Variants in CNKSR2 observed in about 807,000 individuals in gnomAD.
CNKSR2 encodes connector enhancer of kinase suppressor of Ras 2, also known as CNK homolog protein 2.
In CNKSR2, 14 loss-of-function variants were observed where a neutral mutation model predicts 84.4. That is an observed-to-expected ratio of 0.17 (90% CI 0.11 to 0.26). CNKSR2 has a LOEUF of 0.26. Among genes scored for constraint, CNKSR2 ranks in the 10% least tolerant of loss-of-function variants. The pLI is 1.00. For missense variants in CNKSR2, 485 were observed against 771.2 expected, an observed-to-expected ratio of 0.63 and a Z score of 4.40; for synonymous variants, 275 against 277.9, an observed-to-expected ratio of 0.99 and a Z score of 0.10.
chrX:21,580,248 A>G (rs927198965), intron 13 of CNKSR2, among the ~76,000 whole-genome samples: 4 of 111,876 alleles, frequency 3.6e-5, no homozygotes, highest in Admixed American at 9.5e-5. Context: ...TTAAAATTCT[A>G]TTTTTATACA....
At position 21,619,618 on chromosome X, in the gene CNKSR2, A is replaced by AT. The variant is rs763417824; in HGVS notation, c.2692+10010dup. On this transcript the variant is annotated intron_variant, in intron 20 of 21. Transcript: ENST00000379510. ...GACTTTATTGGCTATTTTCGTTATA[A>AT]TTTTTTTTTAATTTTTGTTGTTGTG... Among the ~76,000 whole-genome samples, 849 of 109,336 alleles carry AT rather than the reference A, an allele frequency of 7.8e-3. 5 individuals are homozygous for AT. The highest frequency in any genetic ancestry group is 0.014 in the South Asian group (36 of 2,553). The allele number at this position is 109,336 out of a possible 115,157, so 94.9% of individuals were successfully genotyped here.
At chrX:21,478,645 T>G (rs2147159387) in intron 5 of CNKSR2, among the ~76,000 whole-genome samples, 1 of 111,636 alleles carries the variant, frequency 9.0e-6, no homozygotes, top group Admixed American at 9.6e-5. Flanking sequence ...TGAGGTAGAA[T>G]AATACAGTAG....
At chrX:21,625,832 A>G (rs1206340642) in intron 20 of CNKSR2, among the ~76,000 whole-genome samples, 2 of 111,903 alleles carry the variant, frequency 1.8e-5, no homozygotes, top group African/African-American at 6.5e-5. Flanking sequence ...GGTATAAAGC[A>G]TTTTACATAG....
chrX:21,486,539 T>C (rs2091386954), intron 5 of CNKSR2, among the ~76,000 whole-genome samples: 1 of 111,838 alleles, frequency 8.9e-6, no homozygotes, highest in African/African-American at 3.2e-5. Context: ...TTAGCCTCCT[T>C]CTCACATCTG....
At chrX:21,377,293 C>T (rs2089832494) in intron 1 of CNKSR2, among the ~76,000 whole-genome samples, 1 of 112,037 alleles carries the variant, frequency 8.9e-6, no homozygotes, top group Non-Finnish European at 1.9e-5. Flanking sequence ...TTGGATGAAA[C>T]AAACATTTCC....
intron 2 of CNKSR2, among the ~76,000 whole-genome samples, chrX:21,432,101 C>T (rs1321931077): frequency 3.6e-5 from 4 of 111,351 alleles, no homozygotes; most frequent in Admixed American, 1.9e-4. Flanking sequence ...ATGTAGAGTA[C>T]GTATTTTTTT....
rs2092419815 is a variant in CNKSR2 at position 21,591,394 on chromosome X, A to G, written c.1830+200A>G. 3 of 283,215 alleles carry G rather than the reference A, an allele frequency of 1.1e-5. No homozygotes were observed. The Admixed American group carries it at 1.8e-4, about 17-fold the overall frequency. The allele number at this position is 283,215 out of a possible 1,213,427, so 23.3% of individuals were successfully genotyped here. A position where few individuals can be genotyped will look rare whatever the true frequency, so the allele number is the denominator to read the frequency against. On this transcript the variant is annotated intron_variant, in intron 15 of 21. Transcript: ENST00000379510. ...ATAGCTGTCTCAATTATGCTAATGT[A>G]GCAACATATCTGAAACACAGATAAA... is the stretch of plus-strand genomic sequence containing the variant.
Position 21,521,595 on chromosome X carries a change from A to G in CNKSR2, c.957+4964A>G, listed in dbSNP as rs142079417. On this transcript the variant is annotated intron_variant, in intron 9 of 21. Coordinates refer to ENST00000379510, the MANE Select transcript of CNKSR2 (RefSeq NM_014927.5). ...ATAAGACTGGACAATGCAGGATTAA[A>G]GACACTAGTGTTAGCCTCAATACAA... Among the ~76,000 whole-genome samples the G allele has an allele frequency of 6.9e-3, 765 of 111,051 alleles. 6 individuals carry two copies. Among genetic ancestry groups the G allele is most frequent in the African/African-American group, 0.023 (710 of 30,826 alleles).
intron 5 of CNKSR2, among the ~76,000 whole-genome samples, chrX:21,476,547 G>T (rs2091262156): frequency 9.0e-6 from 1 of 111,251 alleles, no homozygotes; most frequent in South Asian, 3.9e-4. Flanking sequence ...ATTGGAGAGA[G>T]TCTTTCTGCT....
intron 1 of CNKSR2, among the ~76,000 whole-genome samples, chrX:21,391,644 G>T (rs970163402): frequency 3.6e-5 from 4 of 112,031 alleles, no homozygotes; most frequent in African/African-American, 1.3e-4. Context: ...GACACGAGGG[G>T]CTGCTATGAA....
intron 5 of CNKSR2, among the ~76,000 whole-genome samples, chrX:21,480,390 G>A (rs1357691574): frequency 8.9e-6 from 1 of 111,848 alleles, no homozygotes; most frequent in Non-Finnish European, 1.9e-5. Context: ...CTTGCTATTT[G>A]AATATAAAAT....
intron 4 of CNKSR2, among the ~76,000 whole-genome samples, chrX:21,463,395 T>A (rs1045419266): frequency 9.0e-6 from 1 of 110,975 alleles, no homozygotes; most frequent in Non-Finnish European, 1.9e-5. Flanking sequence ...TGGCATAGAT[T>A]GAGTAGGATT....
chrX:21,525,146 A>C (rs1232826621), intron 9 of CNKSR2, among the ~76,000 whole-genome samples: 2 of 111,086 alleles, frequency 1.8e-5, no homozygotes, highest in Non-Finnish European at 3.8e-5. Context: ...TCTGCCATTC[A>C]AGGATTTGTT....
At chrX:21,390,567 A>G (rs1412928254) in intron 1 of CNKSR2, among the ~76,000 whole-genome samples, 8 of 111,294 alleles carry the variant, frequency 7.2e-5, no homozygotes, top group African/African-American at 2.6e-4. Context: ...GAGAACAGCA[A>G]GGGGGAAATC....
intron 8 of CNKSR2, among the ~76,000 whole-genome samples, chrX:21,513,562 G>A (rs953421925): frequency 3.6e-5 from 4 of 111,640 alleles, no homozygotes; most frequent in Non-Finnish European, 7.5e-5. Context: ...ATCTCTGGAC[G>A]TGGTGGTTCA....
intron 11 of CNKSR2, among the ~76,000 whole-genome samples, chrX:21,545,213 A>G: frequency 9.0e-6 from 1 of 111,587 alleles, no homozygotes; most frequent in Admixed American, 9.4e-5. Context: ...AGGGGCGTCC[A>G]CCATTACTGA....
At chrX:21,480,939 C>T (rs760593909) in intron 5 of CNKSR2, among the ~76,000 whole-genome samples, 5 of 111,955 alleles carry the variant, frequency 4.5e-5, no homozygotes, top group South Asian at 3.7e-4. Flanking sequence ...TGGTTAAGCA[C>T]GCAGGAACTG....
At chrX:21,608,036 A>C (rs1053208514) in intron 19 of CNKSR2, 35 of 111,579 alleles carry the variant, frequency 3.1e-4, no homozygotes, top group African/African-American at 1.0e-3. Flanking sequence ...AAGAGGAAGA[A>C]TAGGAAACAG....
chrX:21,406,688 G>C (rs1470507021), intron 1 of CNKSR2, among the ~76,000 whole-genome samples: 1 of 111,298 alleles, frequency 9.0e-6, no homozygotes, highest in African/African-American at 3.3e-5. Flanking sequence ...ATTCCATAAA[G>C]TTTATGATCT....
Sources: gnomAD v4.1 joint callset for allele counts (sites outside exome capture counted in the v4.1 genomes callset) on GRCh38, gnomAD v4.1.1 for gene constraint, MANE v1.5 for transcripts, NCBI Gene and HGNC (gene_info 2026-07-23, HGNC 2026-07-21) for gene names.